The following POLR2G variants were observed in gnomAD, a reference collection of about 807,000 sequenced individuals.
The protein encoded by POLR2G is DNA-directed RNA polymerase II subunit RPB7.
In POLR2G, 19 loss-of-function variants were observed where a neutral mutation model predicts 25.7. The observed-to-expected ratio is 0.74, with a 90% CI of 0.52 to 1.08. POLR2G has a LOEUF of 1.08. POLR2G is among the 50% of genes least tolerant of loss of function. The pLI is 0.00. For synonymous variants in POLR2G, 79 were observed against 76.0 expected, an observed-to-expected ratio of 1.04 and a Z score of -0.21; for missense variants, 123 against 218.5, an observed-to-expected ratio of 0.56 and a Z score of 2.76.
chr11:62,765,552 T>A (rs2084111299), intron 5 of POLR2G, 101 bp from the exon 6 acceptor site: 2 of 1,074,984 alleles, frequency 1.9e-6, no homozygotes, highest in Admixed American at 3.4e-5. Flanking sequence ...GGTGTGAAAG[T>A]GATGTGCATT....
At chr11:62,762,843 T>C (rs368384416) in intron 2 of POLR2G, 24 bp from the exon 3 acceptor site, 27 of 1,558,408 alleles carry the variant, frequency 1.7e-5, no homozygotes, top group Non-Finnish European at 2.3e-5. Flanking sequence ...CACAGTGTCT[T>C]CCTGTTTCTC....
chr11:62,761,776 A>C lies in POLR2G; in HGVS notation c.13-19A>C, dbSNP rs111986375. The C allele has an allele frequency of 7.9e-4, 1,281 of 1,612,486 alleles. 19 individuals are homozygous for C. The African/African-American group carries it at 0.015, about 18-fold the overall frequency. Reference sequence around the variant, plus strand: ...CCTGCCAGCGCCTGGCCTGGTCGCCATCCCACTTTTCTCCGCAGATCTCCC... The same window carrying C: ...CCTGCCAGCGCCTGGCCTGGTCGCCCTCCCACTTTTCTCCGCAGATCTCCC... On this transcript the variant is annotated intron_variant, in intron 1 of 7. Transcript: ENST00000301788.
Position 62,766,581 on chromosome 11 carries a change from C to T in POLR2G, c.*74C>T. On this transcript the variant is annotated 3_prime_UTR_variant, in exon 8 of 8. Transcript: ENST00000301788. Reference sequence around the variant, plus strand: ...ACACTTATCATGTTGTCCAGAGGTCCAGTCTGGCTGCTGTTGTGGAGGCAA... The same window carrying T: ...ACACTTATCATGTTGTCCAGAGGTCTAGTCTGGCTGCTGTTGTGGAGGCAA... The T allele has an allele frequency of 7.0e-7, 1 of 1,434,458 alleles. No individual in the cohort carries two copies. Among genetic ancestry groups the T allele is most frequent in the Non-Finnish European group, 9.8e-7 (1 of 1,018,964 alleles). 88.9% of individuals were successfully genotyped at this position (1,434,458 alleles called of 1,614,324 possible). A position where few individuals can be genotyped will look rare whatever the true frequency, so the allele number is the denominator to read the frequency against.
intron 3 of POLR2G, among the ~76,000 whole-genome samples, chr11:62,764,102 T>C (rs557292289): frequency 6.6e-6 from 1 of 152,250 alleles, no homozygotes; most frequent in East Asian, 1.9e-4. Context: ...GCCAAGATCA[T>C]GTGGCCAACA....
chr11:62,765,153 G>A (rs201378175), intron 3 of POLR2G, 29 bp from the exon 4 acceptor site: 63 of 1,609,496 alleles, frequency 3.9e-5, no homozygotes, highest in East Asian at 2.2e-4. Flanking sequence ...CACCGTGCAC[G>A]GCCGTAAGAT....
intron 7 of POLR2G, 92 bp downstream of exon 7, chr11:62,766,368 GAGAC>G: frequency 1.3e-6 from 2 of 1,513,924 alleles, no homozygotes; most frequent in South Asian, 2.2e-5. Flanking sequence ...CCAAATCAGA[GAGAC>G]AGAAGAAACT....
intron 3 of POLR2G, 71 bp downstream of exon 3, chr11:62,763,097 C>T: frequency 1.4e-6 from 1 of 734,416 alleles, no homozygotes; most frequent in South Asian, 2.2e-5. Context: ...GGCTCCACTT[C>T]ATAACTCTGT....
intron 3 of POLR2G, 102 bp downstream of exon 3, chr11:62,763,128 A>ATTTT: frequency 2.4e-6 from 1 of 412,084 alleles, no homozygotes; most frequent in South Asian, 1.0e-4. Flanking sequence ...AAGTCACTTC[A>ATTTT]CTTTTTTTTT....
chr11:62,761,928 G>A lies in POLR2G; in HGVS notation c.122+24G>A, dbSNP rs749038354. 6 of 1,522,324 alleles carry A rather than the reference G, an allele frequency of 3.9e-6. No homozygotes were observed. In the East Asian group the frequency reaches 6.8e-5, roughly 17 times the overall value. 94.3% of individuals were successfully genotyped at this position (1,522,324 alleles called of 1,614,324 possible). ...AAGTGAGTGTCGAGCTCACCGCACC[G>A]CCAGATCGTTCGATGCGCACACGGG... On this transcript the variant is annotated intron_variant, in intron 2 of 7. Transcript: ENST00000301788.
intron 3 of POLR2G, among the ~76,000 whole-genome samples, chr11:62,763,717 C>T (rs1356955688): frequency 6.6e-6 from 1 of 150,970 alleles, no homozygotes. Flanking sequence ...AGGTGATGTG[C>T]AGAGACTCAC....
chr11:62,766,444 G>T, intron 7 of POLR2G, 50 bp from the exon 8 acceptor site: 4 of 1,610,120 alleles, frequency 2.5e-6, no homozygotes, highest in Admixed American at 1.7e-5. Flanking sequence ...ACATGGTTGT[G>T]GCTACCCTAA....
chr11:62,764,204 T>C (rs559986753), intron 3 of POLR2G, among the ~76,000 whole-genome samples: 7 of 151,924 alleles, frequency 4.6e-5, no homozygotes, highest in African/African-American at 1.4e-4. Context: ...CTCACATCTG[T>C]AATCCCAGCA....
At position 62,766,657 on chromosome 11, in the gene POLR2G, C is replaced by G; in HGVS notation, c.*150C>G. Reference sequence around the variant, plus strand: ...TCTGGTGCTTCTTGTAGCTTAACTACTGCCTCCTCATTTTTCAGTATGTGT... The same window carrying G: ...TCTGGTGCTTCTTGTAGCTTAACTAGTGCCTCCTCATTTTTCAGTATGTGT... On this transcript the variant is annotated 3_prime_UTR_variant, in exon 8 of 8. Coordinates refer to ENST00000301788, the MANE Select transcript of POLR2G (RefSeq NM_002696.3). 1.5e-6 allele frequency: 1 copy of G among 657,776 alleles called. No homozygotes were observed. The highest frequency in any genetic ancestry group is 2.7e-6 in the Non-Finnish European group (1 of 368,868). The allele number at this position is 657,776 out of a possible 1,614,324, so 40.7% of individuals were successfully genotyped here. A position where few individuals can be genotyped will look rare whatever the true frequency, so the allele number is the denominator to read the frequency against.
chr11:62,766,337 G>A (rs879148937), intron 7 of POLR2G, 61 bp downstream of exon 7: 9 of 1,540,010 alleles, frequency 5.8e-6, no homozygotes, highest in South Asian at 1.1e-5. Flanking sequence ...TGGGGGTGGG[G>A]AGTAATATAG....
intron 2 of POLR2G, 28 bp from the exon 3 acceptor site, chr11:62,762,839 G>A: frequency 6.4e-7 from 1 of 1,554,074 alleles, no homozygotes; most frequent in Non-Finnish European, 8.8e-7. Context: ...GACACACAGT[G>A]TCTTCCTGTT....
chr11:62,766,530 G>T lies in POLR2G; in HGVS notation c.*23G>T. ...TGAGCCTGGTGGCCTCCTACCCTTG[G>T]TCCTACTCTAGGAAGTGTGATTGTC... On this transcript the variant is annotated 3_prime_UTR_variant, in exon 8 of 8. Coordinates refer to ENST00000301788, the MANE Select transcript of POLR2G (RefSeq NM_002696.3). 6.2e-7 allele frequency: 1 copy of T among 1,610,166 alleles called. No homozygotes were observed.
intron 5 of POLR2G, 94 bp downstream of exon 5, chr11:62,765,499 C>A: frequency 8.6e-7 from 1 of 1,156,286 alleles, no homozygotes; most frequent in South Asian, 1.2e-5. Flanking sequence ...CAGATGGTCC[C>A]CGAATTACCA....
At chr11:62,763,278 C>T (rs1215913326) in intron 3 of POLR2G, among the ~76,000 whole-genome samples, 5 of 149,404 alleles carry the variant, frequency 3.3e-5, no homozygotes, top group African/African-American at 4.9e-5. Flanking sequence ...ACTAAAGGCA[C>T]GTGCCACCAT....
intron 3 of POLR2G, among the ~76,000 whole-genome samples, chr11:62,764,853 G>C (rs1475249278): frequency 6.6e-6 from 1 of 151,538 alleles, no homozygotes; most frequent in African/African-American, 2.4e-5. Flanking sequence ...GAAAAGGCAA[G>C]ATCACTCTTT....
Sources: gnomAD v4.1 joint callset for allele counts (sites outside exome capture counted in the v4.1 genomes callset) on GRCh38, gnomAD v4.1.1 for gene constraint, MANE v1.5 for transcripts, NCBI Gene and HGNC (gene_info 2026-07-23, HGNC 2026-07-21) for gene names.